LRRC20: variants seen among roughly 807,000 people sequenced by gnomAD.
LRRC20 encodes leucine-rich repeat-containing protein 20.
A neutral mutation model predicts 14.4 loss-of-function variants in LRRC20; 11 were observed. The observed-to-expected ratio is 0.77, with a 90% confidence interval of 0.48 to 1.27. The LOEUF (loss-of-function observed/expected upper bound fraction) is 1.27. LRRC20 is among the 50% of genes most tolerant of loss of function. The pLI, the probability that LRRC20 is intolerant of heterozygous loss-of-function variation, is 0.00. For synonymous variants in LRRC20, 121 were observed against 107.3 expected (o/e 1.13, Z -0.79); for missense variants, 219 against 251.2 (o/e 0.87, Z 0.87).
At chr10:70,377,514 C>CT (rs1161506143) in intron 1 of LRRC20, among the ~76,000 whole-genome samples, 1 of 152,110 alleles carries the variant, frequency 6.6e-6, no homozygotes, top group Non-Finnish European at 1.5e-5. Context: ...CCAGTGCTCA[C>CT]TTTTTTATAA....
intron 2 of LRRC20, among the ~76,000 whole-genome samples, chr10:70,364,509 T>G (rs1245196986): frequency 2.0e-5 from 3 of 152,232 alleles, no homozygotes; most frequent in African/African-American, 4.8e-5. Flanking sequence ...TCCTGAGTAC[T>G]CTTGTTCAGA....
chr10:70,380,766 T>C (rs1179927933), intron 1 of LRRC20, among the ~76,000 whole-genome samples: 1 of 152,232 alleles, frequency 6.6e-6, no homozygotes, highest in African/African-American at 2.4e-5. Flanking sequence ...GTGAGCATCC[T>C]GGTCCGGTGA....
At chr10:70,317,682 C>T (rs569388021) in intron 4 of LRRC20, among the ~76,000 whole-genome samples, 117 of 152,250 alleles carry the variant, frequency 7.7e-4, no homozygotes, top group African/African-American at 2.3e-3. Flanking sequence ...TCCAGTCAGG[C>T]GTCTCCCTCT....
At chr10:70,359,380 G>C (rs1843638622) in intron 2 of LRRC20, among the ~76,000 whole-genome samples, 2 of 152,182 alleles carry the variant, frequency 1.3e-5, no homozygotes, top group Non-Finnish European at 2.9e-5. Flanking sequence ...AACATAGTGA[G>C]ACTCCGTCTG....
chr10:70,305,673 G>A (rs1589934042), intron 4 of LRRC20, among the ~76,000 whole-genome samples: 1 of 151,560 alleles, frequency 6.6e-6, no homozygotes, highest in African/African-American at 2.4e-5. Context: ...AATTTCAAAT[G>A]TATAAAATGT....
At chr10:70,362,693 T>A (rs1843783598) in intron 2 of LRRC20, among the ~76,000 whole-genome samples, 1 of 152,168 alleles carries the variant, frequency 6.6e-6, no homozygotes, top group Admixed American at 6.5e-5. Flanking sequence ...GCTTGGCCCC[T>A]TACAGACATG....
intron 2 of LRRC20, among the ~76,000 whole-genome samples, chr10:70,350,244 C>T (rs1423367784): frequency 2.0e-5 from 3 of 152,232 alleles, no homozygotes; most frequent in Non-Finnish European, 2.9e-5. Flanking sequence ...GCAGCCCCAG[C>T]CACTGACACC....
In LRRC20 at chr10:70,300,057, C is replaced by T. The variant is rs942090081; in HGVS notation, c.*1297G>A. 1 of 152,448 alleles carries T rather than the reference C, an allele frequency of 6.6e-6. No homozygotes were observed. Among genetic ancestry groups the T allele is most frequent in the East Asian group, 1.9e-4 (1 of 5,192 alleles). 9.4% of individuals were successfully genotyped at this position (152,448 alleles called of 1,614,324 possible). A position where few individuals can be genotyped will look rare whatever the true frequency, so the allele number is the denominator to read the frequency against. On this transcript the variant is annotated 3_prime_UTR_variant, in exon 5 of 5. Transcript: ENST00000446961. ...CAGGATTTGGACGGCCTGGCTTTGC[C>T]TCAAGCTCTGGGGCCTCAGGTGTCT...
intron 4 of LRRC20, among the ~76,000 whole-genome samples, chr10:70,318,131 C>T (rs1841937960): frequency 6.6e-6 from 1 of 152,144 alleles, no homozygotes; most frequent in South Asian, 2.1e-4. Flanking sequence ...TCCGGAATGC[C>T]CATGCTGCCA....
At chr10:70,353,178 C>T (rs1288738992) in intron 2 of LRRC20, among the ~76,000 whole-genome samples, 2 of 152,182 alleles carry the variant, frequency 1.3e-5, no homozygotes, top group African/African-American at 2.4e-5. Context: ...TCCTCACAAC[C>T]ACCCTATAAA....
chr10:70,357,670 TC>T (rs1843579515), intron 2 of LRRC20, among the ~76,000 whole-genome samples: 1 of 152,142 alleles, frequency 6.6e-6, no homozygotes, highest in African/African-American at 2.4e-5. Context: ...AAACCCTCCT[TC>T]CTGGCAAGCC....
Position 70,299,475 on chromosome 10 carries a change from T to C in LRRC20, c.*1879A>G, listed in dbSNP as rs1841082092. On this transcript the variant is annotated 3_prime_UTR_variant, in exon 5 of 5. Coordinates refer to ENST00000446961, the MANE Select transcript of LRRC20 (RefSeq NM_001278212.2). ...GAATCAGCTGGGGGTCTTGCTAAAATGCAGGGTCTGAGTCGGGAGGTATAG... is the reference window on the plus strand; with the variant it reads ...GAATCAGCTGGGGGTCTTGCTAAAACGCAGGGTCTGAGTCGGGAGGTATAG... 1 of 152,288 alleles carries C rather than the reference T, an allele frequency of 6.6e-6. No homozygotes were observed. The highest frequency in any genetic ancestry group is 1.5e-5 in the Non-Finnish European group (1 of 68,108). 9.4% of individuals were successfully genotyped at this position (152,288 alleles called of 1,614,324 possible). A position where few individuals can be genotyped will look rare whatever the true frequency, so the allele number is the denominator to read the frequency against.
chr10:70,362,791 C>T (rs1242358151), intron 2 of LRRC20, among the ~76,000 whole-genome samples: 1 of 152,184 alleles, frequency 6.6e-6, no homozygotes, highest in African/African-American at 2.4e-5. Flanking sequence ...GCTGTTACAA[C>T]TGGGGGTGGA....
chr10:70,360,404 C>T (rs922368953), intron 2 of LRRC20, among the ~76,000 whole-genome samples: 5 of 151,562 alleles, frequency 3.3e-5, no homozygotes, highest in African/African-American at 1.2e-4. Flanking sequence ...TCCTCCTCCT[C>T]CCCCTCCTCC....
intron 1 of LRRC20, chr10:70,381,934 A>T (rs1212774080): frequency 6.6e-6 from 1 of 152,288 alleles, no homozygotes; most frequent in East Asian, 1.9e-4. Flanking sequence ...CGCGGTAGCC[A>T]GGCAAGGGTC....
intron 2 of LRRC20, among the ~76,000 whole-genome samples, chr10:70,351,398 T>C (rs1318057988): frequency 2.6e-5 from 4 of 152,298 alleles, no homozygotes; most frequent in South Asian, 4.1e-4. Context: ...TCTGAGGTCA[T>C]AGAGTTCTCC....
chr10:70,311,421 C>T (rs1363507415), intron 4 of LRRC20, among the ~76,000 whole-genome samples: 1 of 151,884 alleles, frequency 6.6e-6, no homozygotes, highest in Non-Finnish European at 1.5e-5. Flanking sequence ...GGGATTTCAC[C>T]ATATTGGCCA....
intron 3 of LRRC20, among the ~76,000 whole-genome samples, chr10:70,331,481 C>T (rs1169764114): frequency 1.3e-5 from 2 of 151,692 alleles, no homozygotes; most frequent in African/African-American, 2.4e-5. Context: ...GCCCCAGCCA[C>T]GGGATCGGCC....
At chr10:70,307,130 G>A (rs1313419948) in intron 4 of LRRC20, among the ~76,000 whole-genome samples, 1 of 152,204 alleles carries the variant, frequency 6.6e-6, no homozygotes, top group Non-Finnish European at 1.5e-5. Flanking sequence ...CTTTCAATGG[G>A]GAAGAGTATT....
Sources: gnomAD v4.1 joint callset for allele counts (sites outside exome capture counted in the v4.1 genomes callset) on GRCh38, gnomAD v4.1.1 for gene constraint, MANE v1.5 for transcripts, NCBI Gene and HGNC (gene_info 2026-07-23, HGNC 2026-07-21) for gene names.